Variants in SLC25A21 observed in about 807,000 individuals in gnomAD.
SLC25A21 encodes the protein mitochondrial 2-oxodicarboxylate carrier.
A neutral mutation model predicts 43.8 loss-of-function variants in SLC25A21; 47 were observed. The ratio of observed to expected loss-of-function variants is 1.07; its 90% CI spans 0.85 to 1.37. The LOEUF (loss-of-function observed/expected upper bound fraction) is 1.37. Among genes scored for constraint, SLC25A21 ranks in the 40% most tolerant of loss-of-function variants. The probability of loss-of-function intolerance (pLI) is 0.00; values close to 1 mark genes in which losing one functional copy is unlikely to be tolerated. For missense variants in SLC25A21, 352 were observed against 350.2 expected (o/e 1.00, Z -0.04); for synonymous variants, 131 against 121.3 (o/e 1.08, Z -0.52).
rs990395898 is a variant in SLC25A21, at chr14:37,016,826, G to A, written c.71-141822C>T. Among the ~76,000 whole-genome samples the A allele has an allele frequency of 4.6e-5, 7 of 152,168 alleles. No homozygotes were observed. The East Asian group carries it at 1.4e-3, about 29-fold the overall frequency. Reference sequence around the variant, plus strand: ...TGACTGTTTCACCTTGCACTTTTCTGTTATGAAGACAGATTATTTCCTCAA... The same window carrying A: ...TGACTGTTTCACCTTGCACTTTTCTATTATGAAGACAGATTATTTCCTCAA... On this transcript the variant is annotated intron_variant, in intron 1 of 9. Transcript: ENST00000331299.
Position 36,678,467 on chromosome 14 carries a change from A to G in SLC25A21, c.*2191T>C, listed in dbSNP as rs1264723691. On this transcript the variant is annotated 3_prime_UTR_variant, in exon 10 of 10. Coordinates refer to ENST00000331299, the MANE Select transcript of SLC25A21 (RefSeq NM_030631.4). The stretch of plus-strand genomic sequence containing the variant: ...CTTTGATCTTGTAAAACTTCCATTG[A>G]CATCTGGAGTTCCCAGTCTGGTGAG... 6.5e-7 allele frequency: 1 copy of G among 1,532,578 alleles called. No individual in the cohort carries two copies. Among genetic ancestry groups the G allele is most frequent in the Non-Finnish European group, 8.8e-7 (1 of 1,142,802 alleles). 94.9% of individuals were successfully genotyped at this position (1,532,578 alleles called of 1,614,324 possible).
At chr14:36,694,674 T>G (rs1882940202) in intron 7 of SLC25A21, among the ~76,000 whole-genome samples, 1 of 152,228 alleles carries the variant, frequency 6.6e-6, no homozygotes, top group South Asian at 2.1e-4. Flanking sequence ...ATGATGAGCA[T>G]TTTTTCATGT....
chr14:36,947,192 C>T (rs1892698236), intron 1 of SLC25A21, among the ~76,000 whole-genome samples: 1 of 152,152 alleles, frequency 6.6e-6, no homozygotes, highest in Non-Finnish European at 1.5e-5. Context: ...CACCAAGTAA[C>T]AATAAACAGG....
intron 1 of SLC25A21, among the ~76,000 whole-genome samples, chr14:36,980,591 C>CT (rs1210547048): frequency 1.3e-5 from 2 of 152,226 alleles, no homozygotes; most frequent in Non-Finnish European, 2.9e-5. Context: ...GTTATCAGCA[C>CT]TGTCAGGTCA....
chr14:36,725,632 C>T lies in SLC25A21; in HGVS notation c.376G>A (p.Val126Ile). 1 of 1,602,178 alleles carries T rather than the reference C, an allele frequency of 6.2e-7. No homozygotes were observed. The highest frequency in any genetic ancestry group is 8.5e-7 in the Non-Finnish European group (1 of 1,174,522). Residue 126 changes from valine (V) to isoleucine (I), a missense_variant, in exon 6 of 10, where the codon GTA becomes ATA. Transcript: ENST00000331299. ...TTTACTACCTCAAAAGGGTTAACTA[C>T]AATGGCTTCTGTTAGTCCAGATCCC... ...GLGSGLTEAI[V>I]VNPFEVVKVG...
intron 2 of SLC25A21, among the ~76,000 whole-genome samples, chr14:36,836,571 G>A (rs1889216665): frequency 1.3e-5 from 2 of 152,144 alleles, no homozygotes; most frequent in African/African-American, 4.8e-5. Flanking sequence ...TAACAAAGGT[G>A]GATGGATGTG....
At chr14:36,777,228 C>T (rs573574665) in intron 3 of SLC25A21, among the ~76,000 whole-genome samples, 35 of 152,096 alleles carry the variant, frequency 2.3e-4, no homozygotes, top group African/African-American at 6.7e-4. Flanking sequence ...ACTGCACTTC[C>T]GCATGGGCAA....
chr14:36,882,650 G>A (rs1159850854), intron 1 of SLC25A21, among the ~76,000 whole-genome samples: 1 of 152,060 alleles, frequency 6.6e-6, no homozygotes. Context: ...CTCTCTTGGT[G>A]ATCTCATCCA....
intron 3 of SLC25A21, among the ~76,000 whole-genome samples, chr14:36,764,551 CCAAAACAAAACAAAA>C (rs3061622): frequency 1.5e-3 from 193 of 126,590 alleles, no homozygotes; most frequent in East Asian, 5.7e-3. Context: ...AAAAAAAAAG[CCAAAACAAAACAAAA>C]CAAAACAAAA....
At chr14:36,963,882 C>A (rs2138677570) in intron 1 of SLC25A21, among the ~76,000 whole-genome samples, 1 of 152,232 alleles carries the variant, frequency 6.6e-6, no homozygotes, top group Middle Eastern at 3.4e-3. Context: ...AATGGTTCTT[C>A]CTGTCTACTA....
chr14:37,134,982 CA>C (rs1239873115), intron 1 of SLC25A21, among the ~76,000 whole-genome samples: 1 of 150,670 alleles, frequency 6.6e-6, no homozygotes, highest in Non-Finnish European at 1.5e-5. Context: ...GGCTGGAGTG[CA>C]GTGGCATGAT....
intron 9 of SLC25A21, among the ~76,000 whole-genome samples, chr14:36,680,960 T>G (rs911895975): frequency 6.6e-6 from 1 of 152,212 alleles, no homozygotes; most frequent in Non-Finnish European, 1.5e-5. Flanking sequence ...CTTTCATCAT[T>G]TGTCATCAGA....
At chr14:36,744,546 A>T (rs1885413347) in intron 3 of SLC25A21, among the ~76,000 whole-genome samples, 1 of 152,184 alleles carries the variant, frequency 6.6e-6, no homozygotes, top group Non-Finnish European at 1.5e-5. Flanking sequence ...CTCAAAATGG[A>T]TTACAGACTT....
intron 1 of SLC25A21, among the ~76,000 whole-genome samples, chr14:36,894,978 C>A (rs1327169319): frequency 6.6e-6 from 1 of 152,162 alleles, no homozygotes; most frequent in Non-Finnish European, 1.5e-5. Context: ...CGATGTTCAT[C>A]AGGGACATTG....
At chr14:36,881,607 C>G (rs995943) in intron 1 of SLC25A21, among the ~76,000 whole-genome samples, 1 of 152,092 alleles carries the variant, frequency 6.6e-6, no homozygotes, top group Non-Finnish European at 1.5e-5. Context: ...CATTCCTTTA[C>G]AACCTAGGTC....
intron 1 of SLC25A21, among the ~76,000 whole-genome samples, chr14:37,166,185 T>G (rs60921013): frequency 0.11 from 16,853 of 152,142 alleles, 2,276 homozygotes; most frequent in African/African-American, 0.32. Context: ...CATGTCCAGA[T>G]CCCTTTTTCA....
At chr14:37,125,289 T>C (rs1156411854) in intron 1 of SLC25A21, among the ~76,000 whole-genome samples, 1 of 152,186 alleles carries the variant, frequency 6.6e-6, no homozygotes, top group African/African-American at 2.4e-5. Flanking sequence ...TGGAGTCACA[T>C]ATAGAATGGA....
At chr14:37,047,533 T>C (rs1038947725) in intron 1 of SLC25A21, among the ~76,000 whole-genome samples, 1 of 152,154 alleles carries the variant, frequency 6.6e-6, no homozygotes, top group Non-Finnish European at 1.5e-5. Flanking sequence ...ACCCAGATGG[T>C]AATGCAAAAG....
At chr14:37,012,121 A>G (rs1960746718) in intron 1 of SLC25A21, among the ~76,000 whole-genome samples, 2 of 152,200 alleles carry the variant, frequency 1.3e-5, no homozygotes, top group African/African-American at 4.8e-5. Flanking sequence ...CTTCAGCAAA[A>G]TGACAAATTA....
Sources: gnomAD v4.1 joint callset for allele counts (sites outside exome capture counted in the v4.1 genomes callset) on GRCh38, gnomAD v4.1.1 for gene constraint, MANE v1.5 for transcripts, NCBI Gene and HGNC (gene_info 2026-07-23, HGNC 2026-07-21) for gene names.